Variants in CTCF observed in about 807,000 individuals in gnomAD.
CTCF encodes the protein CCCTC-binding factor, also known as transcriptional repressor CTCF.
In CTCF, 7 loss-of-function variants were observed where a neutral mutation model predicts 72.3. That is an observed-to-expected ratio of 0.10 (90% CI 0.06 to 0.18). CTCF has a LOEUF of 0.18. Ranked by LOEUF, CTCF falls within the 10% of genes least tolerant of loss-of-function variation. The pLI is 1.00. For missense variants in CTCF, 516 were observed against 949.1 expected (o/e 0.54, Z 6.00); for synonymous variants, 374 against 315.8 (o/e 1.18, Z -1.95).
Position 67,610,864 on chromosome 16 carries a change from A to C in CTCF, c.32A>C (p.Glu11Ala). 6.7e-7 allele frequency: 1 copy of C among 1,500,088 alleles called. No homozygotes were observed. Among genetic ancestry groups the C allele is most frequent in the Middle Eastern group, 1.8e-4 (1 of 5,544 alleles). The allele number at this position is 1,500,088 out of a possible 1,614,324, so 92.9% of individuals were successfully genotyped here. ...GGTGATGCAGTCGAAGCCATTGTGG[A>C]GGAGTCCGAAACTTTTATTAAAGGA... MEGDAVEAIV[E>A]ESETFIKGKE... The change falls in exon 3 of 12, where the codon GAG becomes GCG. Residue 11 changes from glutamate (E) to alanine (A), a missense_variant. Glu to Ala is a moderately radical substitution (Grantham distance 107). Coordinates refer to ENST00000264010, the MANE Select transcript of CTCF (RefSeq NM_006565.4).
At chr16:67,588,977 C>A (rs1319487968) in intron 2 of CTCF, among the ~76,000 whole-genome samples, 2 of 152,036 alleles carry the variant, frequency 1.3e-5, no homozygotes, top group Non-Finnish European at 2.9e-5. Flanking sequence ...AGGCGTGAGC[C>A]ACCGTGCCCA....
intron 2 of CTCF, among the ~76,000 whole-genome samples, chr16:67,571,679 A>G (rs539619677): frequency 9.2e-5 from 14 of 152,358 alleles, no homozygotes; most frequent in Admixed American, 2.6e-4. Flanking sequence ...AAGAAAGTCC[A>G]TGACCTGTGG....
In CTCF at chr16:67,638,438, T is replaced by C; in HGVS notation, c.*566T>C. The C allele has an allele frequency of 4.4e-6, 1 of 225,018 alleles. No individual in the cohort carries two copies. The highest frequency in any genetic ancestry group is 8.9e-6 in the Non-Finnish European group (1 of 112,708). The allele number at this position is 225,018 out of a possible 1,614,324, so 13.9% of individuals were successfully genotyped here. A position where few individuals can be genotyped will look rare whatever the true frequency, so the allele number is the denominator to read the frequency against. ...TGGTCAAGCTTGTAAATAACTTTTT[T>C]TACATTTTAATCTTTTCCATTAATT... is the stretch of plus-strand genomic sequence containing the variant. On this transcript the variant is annotated 3_prime_UTR_variant, in exon 12 of 12. Transcript: ENST00000264010.
intron 2 of CTCF, among the ~76,000 whole-genome samples, chr16:67,575,477 G>C (rs1051965521): frequency 1.3e-5 from 2 of 151,704 alleles, no homozygotes; most frequent in African/African-American, 4.8e-5. Flanking sequence ...ATGGAGTCTC[G>C]CTCTGTCGCC....
In CTCF at chr16:67,588,135, G is replaced by A. The variant is rs1367215245; in HGVS notation, c.-10+16871G>A. ...GGTCTCCCAAAGTGCTGGGATTACA[G>A]GGATGAGCCACTGCGCCCAGCCAGG... On this transcript the variant is annotated intron_variant, in intron 2 of 11. Transcript: ENST00000264010. 2.0e-5 allele frequency among the ~76,000 whole-genome samples: 3 copies of A among 152,182 alleles called. No individual in the cohort carries two copies. In the South Asian group the frequency reaches 6.2e-4, roughly 31 times the overall value.
At chr16:67,567,296 G>A (rs1223367767) in intron 1 of CTCF, among the ~76,000 whole-genome samples, 1 of 152,142 alleles carries the variant, frequency 6.6e-6, no homozygotes, top group African/African-American at 2.4e-5. Flanking sequence ...GGGTTAGGAT[G>A]GTATTCTTTC....
chr16:67,591,331 A>G (rs1034807308), intron 2 of CTCF, among the ~76,000 whole-genome samples: 1 of 152,146 alleles, frequency 6.6e-6, no homozygotes, highest in Non-Finnish European at 1.5e-5. Context: ...AGTGAGAGGT[A>G]CAGTTGTGAT....
chr16:67,565,390 T>A (rs1353407422), intron 1 of CTCF, among the ~76,000 whole-genome samples: 1 of 151,526 alleles, frequency 6.6e-6, no homozygotes, highest in Non-Finnish European at 1.5e-5. Context: ...TAAGAGTAGT[T>A]GTGGCTGGGA....
At position 67,621,537 on chromosome 16, in the gene CTCF, G is replaced by A; in HGVS notation, c.1303G>A (p.Ala435Thr). Residue 435 changes from alanine to threonine, a missense_variant, in exon 7 of 12, where the codon GCC (alanine) becomes ACC (threonine). Coordinates refer to ENST00000264010, the MANE Select transcript of CTCF (RefSeq NM_006565.4). ...TTTACAGAAGCACACAGAAAATGTGGCCAAATTTCACTGTCCCCACTGTGA... is the reference window on the plus strand; with the variant it reads ...TTTACAGAAGCACACAGAAAATGTGACCAAATTTCACTGTCCCCACTGTGA... ...HILQKHTENV[A>T]KFHCPHCDTV... 1.2e-6 allele frequency: 2 copies of A among 1,613,298 alleles called. No individual in the cohort carries two copies. Among genetic ancestry groups the A allele is most frequent in the Non-Finnish European group, 1.7e-6 (2 of 1,179,386 alleles).
chr16:67,573,534 A>G (rs920122532), intron 2 of CTCF, among the ~76,000 whole-genome samples: 3 of 152,224 alleles, frequency 2.0e-5, no homozygotes, highest in Admixed American at 1.3e-4. Context: ...TAGGTCTTCA[A>G]CAAAATGAGC....
At chr16:67,628,033 T>G (rs1269019536) in intron 8 of CTCF, 1 of 202,124 alleles carries the variant, frequency 4.9e-6, no homozygotes, top group East Asian at 1.0e-4. Flanking sequence ...AGGTGGAGGT[T>G]GCAGCGAGCC....
chr16:67,607,736 G>C (rs184559737), intron 2 of CTCF, among the ~76,000 whole-genome samples: 1 of 151,868 alleles, frequency 6.6e-6, no homozygotes, highest in African/African-American at 2.4e-5. Context: ...AGTAAAAACC[G>C]TGGCTGGGCG....
chr16:67,632,469 C>T lies in CTCF; in HGVS notation c.1837+2936C>T, dbSNP rs189114116. ...CTCTTTATCTCCCCCAGAAAAGGGACGTCAGCCTGGGCTCCATGCCACTGT... is the reference window on the plus strand; with the variant it reads ...CTCTTTATCTCCCCCAGAAAAGGGATGTCAGCCTGGGCTCCATGCCACTGT... On this transcript the variant is annotated intron_variant, in intron 10 of 11. Transcript: ENST00000264010. Among the ~76,000 whole-genome samples, 7 of 152,302 alleles carry T rather than the reference C, an allele frequency of 4.6e-5. No homozygotes were observed. The East Asian group carries it at 1.2e-3, about 25-fold the overall frequency.
intron 2 of CTCF, among the ~76,000 whole-genome samples, chr16:67,591,105 C>A (rs1409537774): frequency 6.6e-6 from 1 of 151,866 alleles, no homozygotes; most frequent in Non-Finnish European, 1.5e-5. Flanking sequence ...CTAGCCTAGC[C>A]AACATGATGA....
intron 8 of CTCF, 158 bp downstream of exon 8, chr16:67,626,873 A>G (rs905416769): frequency 6.7e-6 from 3 of 448,674 alleles, no homozygotes; most frequent in East Asian, 3.5e-5. Context: ...CTCCTTGTCA[A>G]TTGTGTCATC....
intron 10 of CTCF, among the ~76,000 whole-genome samples, chr16:67,632,339 C>T (rs1001239115): frequency 1.3e-5 from 2 of 152,166 alleles, no homozygotes; most frequent in African/African-American, 4.8e-5. Context: ...CATCTTTAGT[C>T]AAAAGAGATT....
At chr16:67,573,104 T>C (rs1315324518) in intron 2 of CTCF, among the ~76,000 whole-genome samples, 2 of 151,266 alleles carry the variant, frequency 1.3e-5, no homozygotes, top group African/African-American at 4.9e-5. Flanking sequence ...TACAAAAAAT[T>C]AGCTGGGTGT....
In CTCF at chr16:67,612,084, A is replaced by G; in HGVS notation, c.915A>G (p.Thr305=). 2 of 1,614,228 alleles carry G rather than the reference A, an allele frequency of 1.2e-6. No homozygotes were observed. Among genetic ancestry groups the G allele is most frequent in the Non-Finnish European group, 1.7e-6 (2 of 1,180,044 alleles). ...KCHLCGRAFR[T]VTLLRNHLNT... ...ATCTCTGTGGCAGGGCATTCAGAAC[A>G]GTCACCCTCCTGAGGAATCACCTTA... Residue 305 remains threonine, a synonymous_variant, in exon 4 of 12, where the codon ACA becomes ACG. Transcript: ENST00000264010.
intron 4 of CTCF, among the ~76,000 whole-genome samples, chr16:67,614,101 CTT>C (rs2052097711): frequency 6.6e-6 from 1 of 152,084 alleles, no homozygotes; most frequent in African/African-American, 2.4e-5. Flanking sequence ...AATCCCATCA[CTT>C]TGGGAGGCCG....
Sources: gnomAD v4.1 joint callset for allele counts (sites outside exome capture counted in the v4.1 genomes callset) on GRCh38, gnomAD v4.1.1 for gene constraint, MANE v1.5 for transcripts, NCBI Gene and HGNC (gene_info 2026-07-23, HGNC 2026-07-21) for gene names.